SP5: variants seen among roughly 807,000 people sequenced by gnomAD.
SP5 encodes transcription factor Sp5.
SP5 carries 12 observed loss-of-function variants against 27.4 expected under a neutral mutation model. The observed-to-expected ratio is 0.44, with a 90% CI of 0.28 to 0.71. The LOEUF (loss-of-function observed/expected upper bound fraction) is 0.71, where lower values mean the gene tolerates loss of function less well. Among genes scored for constraint, SP5 ranks in the 30% least tolerant of loss-of-function variants. SP5 has a pLI of 0.15. For missense variants in SP5, 660 were observed against 589.8 expected (o/e 1.12, Z -1.23); for synonymous variants, 330 against 290.7 (o/e 1.14, Z -1.38).
intron 1 of SP5, chr2:170,715,956 G>A: frequency 7.4e-7 from 1 of 1,347,202 alleles, no homozygotes. Flanking sequence ...GGAGCCGGGA[G>A]GGGCCCGTCG....
Position 170,715,558 on chromosome 2 carries a change from C to A in SP5, c.46C>A (p.Leu16Ile), listed in dbSNP as rs866407492. The change falls in exon 1 of 2, where the codon CTC (leucine) becomes ATC (isoleucine). Residue 16 changes from leucine (L) to isoleucine (I), a missense_variant. Coordinates refer to ENST00000375281, the MANE Select transcript of SP5 (RefSeq NM_001003845.3). ...CCGGAACGACTCGCTGCAGGCCTTT[C>A]TCCAGGTCAGGGCCGAGCCCGGAGG... is the stretch of plus-strand genomic sequence containing the variant. Reference protein sequence around the residue: ...VLRNDSLQAFLQDRTPSASPD... With the variant: ...VLRNDSLQAFIQDRTPSASPD... 1 of 1,557,364 alleles carries A rather than the reference C, an allele frequency of 6.4e-7. No homozygotes were observed. Among genetic ancestry groups the A allele is most frequent in the Non-Finnish European group, 8.7e-7 (1 of 1,151,494 alleles).
chr2:170,716,056 G>A (rs971333376), intron 1 of SP5: 100 of 1,394,446 alleles, frequency 7.2e-5, no homozygotes, highest in Non-Finnish European at 9.1e-5. Flanking sequence ...GCGCTCGCGG[G>A]CCCCACGTTC....
In SP5 at chr2:170,717,718, A is replaced by G. The variant is rs942130468; in HGVS notation, c.*314A>G. On this transcript the variant is annotated 3_prime_UTR_variant, in exon 2 of 2. Coordinates refer to ENST00000375281, the MANE Select transcript of SP5 (RefSeq NM_001003845.3). ...GGGGACCACCCTGGTCTGGCCTTGT[A>G]TATAGGAAATGCTGCTGAACTGAAT... 8.7e-6 allele frequency: 4 copies of G among 457,420 alleles called. No individual in the cohort carries two copies. The highest frequency in any genetic ancestry group is 7.5e-5 in the South Asian group (3 of 39,780). 28.3% of individuals were successfully genotyped at this position (457,420 alleles called of 1,614,324 possible).
intron 1 of SP5, chr2:170,715,807 G>A (rs962320470): frequency 2.0e-6 from 2 of 985,314 alleles, no homozygotes; most frequent in African/African-American, 3.5e-5. Flanking sequence ...AGCTCACCCT[G>A]CTGGGCCCTC....
Position 170,717,564 on chromosome 2 carries a change from C to T in SP5, c.*160C>T, listed in dbSNP as rs1310234818. 9 of 959,802 alleles carry T rather than the reference C, an allele frequency of 9.4e-6. No individual in the cohort carries two copies. Among genetic ancestry groups the T allele is most frequent in the Non-Finnish European group, 1.4e-5 (9 of 659,470 alleles). The allele number at this position is 959,802 out of a possible 1,614,324, so 59.5% of individuals were successfully genotyped here. On this transcript the variant is annotated 3_prime_UTR_variant, in exon 2 of 2. Transcript: ENST00000375281. ...CTTCCGCTGCCTTCGGACATAGGGA[C>T]CCAGTTCCCAGGAGCGGGGAGGTAG...
rs990547635 is a variant in SP5, at chr2:170,717,008, G to A, written c.801G>A (p.Thr267=). The change falls in exon 2 of 2, where the codon ACG becomes ACA. Residue 267 remains threonine, a synonymous_variant. Coordinates refer to ENST00000375281, the MANE Select transcript of SP5 (RefSeq NM_001003845.3). ...LLQTKAPLAA[T]ARRCRRCRCP... ...AGACCAAGGCCCCCCTGGCGGCCAC[G>A]GCCAGGAGGTGCCGCCGCTGCCGCT... 6.5e-7 allele frequency: 1 copy of A among 1,547,110 alleles called. No homozygotes were observed. The highest frequency in any genetic ancestry group is 8.7e-7 in the Non-Finnish European group (1 of 1,146,104).
In SP5 at chr2:170,715,371, G is replaced by C; in HGVS notation, c.-142G>C. 9.0e-7 allele frequency: 1 copy of C among 1,110,220 alleles called. No individual in the cohort carries two copies. The highest frequency in any genetic ancestry group is 1.2e-6 in the Non-Finnish European group (1 of 836,898). 68.8% of individuals were successfully genotyped at this position (1,110,220 alleles called of 1,614,324 possible). On this transcript the variant is annotated 5_prime_UTR_variant, in exon 1 of 2. Transcript: ENST00000375281. ...GCGGGGCGAGCGAGCGGGGCGCGGC[G>C]AGGGGCAAGGGCGGGGAGGGCCCCG...
At chr2:170,715,833 T>A in intron 1 of SP5, 5 of 985,176 alleles carry the variant, frequency 5.1e-6, no homozygotes, top group Non-Finnish European at 6.0e-6. Context: ...GATTTCAGCC[T>A]GGGGCGGGCC....
intron 1 of SP5, 141 bp downstream of exon 1, chr2:170,715,704 C>T: frequency 7.0e-7 from 1 of 1,422,336 alleles, no homozygotes; most frequent in Non-Finnish European, 9.2e-7. Context: ...GTGCCCACGC[C>T]AACTTCACAC....
chr2:170,716,069 G>A, intron 1 of SP5, 190 bp from the exon 2 acceptor site: 1 of 1,399,296 alleles, frequency 7.1e-7, no homozygotes, highest in Non-Finnish European at 9.2e-7. Context: ...CCACGTTCAG[G>A]TAGCGCAGGC....
Position 170,716,880 on chromosome 2 carries a change from TCTGCGGCCGCTGCTG to T in SP5, c.684_698del (p.Ala231_Ala235del). On this transcript the variant is annotated inframe_deletion, in exon 2 of 2. Coordinates refer to ENST00000375281, the MANE Select transcript of SP5 (RefSeq NM_001003845.3). Reference sequence around the variant, plus strand: ...CCCCCACGCGCCCCGCTTCCCCGCCTCTGCGGCCGCTGCTGCTGCGGCCGCCGCCGCCCTACAAAG... The same window carrying T: ...CCCCCACGCGCCCCGCTTCCCCGCCTCTGCGGCCGCCGCCGCCCTACAAAG... 2.7e-6 allele frequency: 4 copies of T among 1,500,608 alleles called. No individual in the cohort carries two copies. Among genetic ancestry groups the T allele is most frequent in the Non-Finnish European group, 2.7e-6 (3 of 1,127,446 alleles). 93.0% of individuals were successfully genotyped at this position (1,500,608 alleles called of 1,614,324 possible).
rs1700038335 is a variant in SP5 at position 170,715,404 on chromosome 2, G to A, written c.-109G>A. On this transcript the variant is annotated 5_prime_UTR_variant, in exon 1 of 2. Transcript: ENST00000375281. ...AGGGCGGGGAGGGCCCCGGCGCTCAGAGCAGGCGCCAGGGAGGCAGGCTGG... is the reference window on the plus strand; with the variant it reads ...AGGGCGGGGAGGGCCCCGGCGCTCAAAGCAGGCGCCAGGGAGGCAGGCTGG... 1.3e-5 allele frequency: 19 copies of A among 1,440,918 alleles called. No homozygotes were observed. The highest frequency in any genetic ancestry group is 4.1e-5 in the South Asian group (3 of 72,982). 89.3% of individuals were successfully genotyped at this position (1,440,918 alleles called of 1,614,324 possible).
chr2:170,716,471 G>C lies in SP5; in HGVS notation c.264G>C (p.Pro88=). ...PAHSPGALPP[P]HPSLGLTPQK... ...ACTCGCCAGGCGCACTGCCGCCCCC[G>C]CATCCCAGCTTGGGGCTGACGCCGC... Residue 88 remains proline, a synonymous_variant, in exon 2 of 2, where the codon CCG becomes CCC. Coordinates refer to ENST00000375281, the MANE Select transcript of SP5 (RefSeq NM_001003845.3). 1 of 1,607,748 alleles carries C rather than the reference G, an allele frequency of 6.2e-7. No homozygotes were observed. Among genetic ancestry groups the C allele is most frequent in the East Asian group, 2.2e-5 (1 of 44,770 alleles).
rs755470815 is a variant in SP5, at chr2:170,717,389, C to T, written c.1182C>T (p.Asp394=). 2.5e-6 allele frequency: 4 copies of T among 1,610,914 alleles called. No individual in the cohort carries two copies. The highest frequency in any genetic ancestry group is 2.5e-6 in the Non-Finnish European group (3 of 1,179,948). The change falls in exon 2 of 2, where the codon GAC becomes GAT. Residue 394 remains aspartate (D), a synonymous_variant. Transcript: ENST00000375281. ...CTGAGGCCGGGGTTAAGCGGGAGGA[C>T]GCGCGGGACCTGTGAGCCCTCCCGG... ...KVAEAGVKRE[D]ARDL
In SP5 at chr2:170,715,792, A is replaced by G. The variant is rs549343723; in HGVS notation, c.51+229A>G. On this transcript the variant is annotated intron_variant, in intron 1 of 1. Coordinates refer to ENST00000375281, the MANE Select transcript of SP5 (RefSeq NM_001003845.3). The stretch of plus-strand genomic sequence containing the variant: ...AGGTGCCCGGCTGGCCGAGAACAGG[A>G]CCGGAGCTCACCCTGCTGGGCCCTC... 1,807 of 985,316 alleles carry G rather than the reference A, an allele frequency of 1.8e-3. 4 individuals carry two copies. Among genetic ancestry groups the G allele is most frequent in the South Asian group, 4.9e-3 (104 of 21,286 alleles). 61.0% of individuals were successfully genotyped at this position (985,316 alleles called of 1,614,324 possible).
chr2:170,715,760 T>A, intron 1 of SP5, 197 bp downstream of exon 1: 2 of 985,352 alleles, frequency 2.0e-6, no homozygotes, highest in Non-Finnish European at 2.4e-6. Context: ...GATCCGGGAT[T>A]GTTCGGAGGT....
Position 170,717,043 on chromosome 2 carries a change from G to C in SP5, c.836G>C (p.Cys279Ser). Residue 279 changes from cysteine (C) to serine (S), a missense_variant, in exon 2 of 2, where the codon TGC becomes TCC. By Grantham distance (112) the Cys-to-Ser change is moderately radical. Transcript: ENST00000375281. The stretch of plus-strand genomic sequence containing the variant: ...TGCCGCCGCTGCCGCTGTCCCAACT[G>C]CCAGGCGGCGGGCGGCGCCCCCGAG... ...RRCRRCRCPN[C>S]QAAGGAPEAE... The C allele has an allele frequency of 6.5e-7, 1 of 1,548,682 alleles. No homozygotes were observed. The highest frequency in any genetic ancestry group is 8.7e-7 in the Non-Finnish European group (1 of 1,147,022).
rs983404931 is a variant in SP5 at position 170,716,730 on chromosome 2, T to C, written c.523T>C (p.Cys175Arg). The change falls in exon 2 of 2, where the codon TGC becomes CGC. Residue 175 changes from cysteine (C) to arginine (R), a missense_variant. By Grantham distance (180) the Cys-to-Arg change is radical (BLOSUM62 -3). Coordinates refer to ENST00000375281, the MANE Select transcript of SP5 (RefSeq NM_001003845.3). ...PPPPPPPPPT[C>R]RQLSPNPAPD... ...GCCGCCACCGCCCCCGCCGCCCACCTGCCGCCAGTTGTCACCCAACCCGGC... is the reference window on the plus strand; with the variant it reads ...GCCGCCACCGCCCCCGCCGCCCACCCGCCGCCAGTTGTCACCCAACCCGGC... The C allele has an allele frequency of 1.0e-5, 15 of 1,486,220 alleles. No homozygotes were observed. In the African/African-American group the frequency reaches 1.6e-4, roughly 16 times the overall value. 92.1% of individuals were successfully genotyped at this position (1,486,220 alleles called of 1,614,324 possible).
rs1366183090 is a variant in SP5, at chr2:170,717,009, G to A, written c.802G>A (p.Ala268Thr). The change falls in exon 2 of 2, where the codon GCC (alanine) becomes ACC (threonine). Residue 268 changes from alanine (A) to threonine (T), a missense_variant. Coordinates refer to ENST00000375281, the MANE Select transcript of SP5 (RefSeq NM_001003845.3). ...GACCAAGGCCCCCCTGGCGGCCACG[G>A]CCAGGAGGTGCCGCCGCTGCCGCTG... is the stretch of plus-strand genomic sequence containing the variant. ...LQTKAPLAAT[A>T]RRCRRCRCPN... The A allele has an allele frequency of 6.5e-7, 1 of 1,547,240 alleles. No homozygotes were observed. The highest frequency in any genetic ancestry group is 1.4e-5 in the African/African-American group (1 of 73,084).
Sources: gnomAD v4.1 joint callset for allele counts on GRCh38, gnomAD v4.1.1 for gene constraint, MANE v1.5 for transcripts, NCBI Gene and HGNC (gene_info 2026-07-23, HGNC 2026-07-21) for gene names.